NCAM2: variants seen among roughly 807,000 people sequenced by gnomAD.
The protein encoded by NCAM2 is N-CAM-2.
In NCAM2, 30 loss-of-function variants were observed where a neutral mutation model predicts 98.1. The ratio of observed to expected loss-of-function variants is 0.31; its 90% confidence interval spans 0.23 to 0.41. The LOEUF (loss-of-function observed/expected upper bound fraction) is 0.41, where lower values mean the gene tolerates loss of function less well. NCAM2 is among the 10% of genes least tolerant of loss of function. NCAM2 has a pLI of 1.00. For missense variants in NCAM2, 867 were observed against 1,005.8 expected, an observed-to-expected ratio of 0.86 and a Z score of 1.87; for synonymous variants, 368 against 342.4, an observed-to-expected ratio of 1.07 and a Z score of -0.83.
intron 1 of NCAM2, among the ~76,000 whole-genome samples, chr21:21,040,842 T>G (rs1243238609): frequency 6.6e-6 from 1 of 152,138 alleles, no homozygotes; most frequent in Non-Finnish European, 1.5e-5. Flanking sequence ...GAAGAATAAG[T>G]TCTAGTGTTC....
intron 1 of NCAM2, among the ~76,000 whole-genome samples, chr21:21,269,967 TAC>T (rs1348759150): frequency 6.6e-6 from 1 of 152,202 alleles, no homozygotes; most frequent in African/African-American, 2.4e-5. Context: ...GTCAGGTTTC[TAC>T]ACAAGGTTTA....
chr21:21,069,934 A>G (rs963412804), intron 1 of NCAM2, among the ~76,000 whole-genome samples: 13 of 152,018 alleles, frequency 8.6e-5, no homozygotes, highest in East Asian at 5.8e-4. Flanking sequence ...TTATCTTTCT[A>G]TTGTTGCTTT....
intron 1 of NCAM2, among the ~76,000 whole-genome samples, chr21:21,219,820 T>C (rs529491422): frequency 6.6e-6 from 1 of 152,332 alleles, no homozygotes; most frequent in East Asian, 1.9e-4. Context: ...CTGAAGACTT[T>C]CCAGTGGGAC....
chr21:21,376,840 C>G (rs1357573400), intron 9 of NCAM2, among the ~76,000 whole-genome samples: 1 of 151,602 alleles, frequency 6.6e-6, no homozygotes, highest in Non-Finnish European at 1.5e-5. Context: ...TTTAGTTTAT[C>G]TTATTTAAAC....
At chr21:21,411,110 A>ATGTGTATATATATATACATATATGTG (rs373718170) in intron 10 of NCAM2, among the ~76,000 whole-genome samples, 12 of 26,974 alleles carry the variant, frequency 4.4e-4, no homozygotes, top group East Asian at 7.1e-4. Flanking sequence ...ATACATATAT[A>ATGTGTATATATATATACATATATGTG]TGTATATATA....
chr21:21,254,700 G>A (rs1216304308), intron 1 of NCAM2, among the ~76,000 whole-genome samples: 1 of 152,148 alleles, frequency 6.6e-6, no homozygotes, highest in Non-Finnish European at 1.5e-5. Context: ...GTAAAGAGCT[G>A]TAATGGAACA....
intron 1 of NCAM2, among the ~76,000 whole-genome samples, chr21:21,239,866 A>C (rs1458688140): frequency 6.6e-6 from 1 of 152,108 alleles, no homozygotes; most frequent in Non-Finnish European, 1.5e-5. Context: ...TTGTGTCTAT[A>C]TTTATATAAA....
intron 16 of NCAM2, 134 bp downstream of exon 16, chr21:21,509,189 C>G (rs1245805788): frequency 7.0e-6 from 5 of 719,060 alleles, no homozygotes; most frequent in Non-Finnish European, 1.1e-5. Flanking sequence ...CACTGCACTG[C>G]CTGCTCTCTG....
At chr21:21,208,674 A>G (rs2147067983) in intron 1 of NCAM2, among the ~76,000 whole-genome samples, 1 of 152,228 alleles carries the variant, frequency 6.6e-6, no homozygotes, top group East Asian at 1.9e-4. Flanking sequence ...AGATTATTGT[A>G]GAGGAGACCT....
At chr21:21,141,217 AC>A (rs2067162319) in intron 1 of NCAM2, among the ~76,000 whole-genome samples, 1 of 152,218 alleles carries the variant, frequency 6.6e-6, no homozygotes, top group East Asian at 1.9e-4. Flanking sequence ...TGCTACAGGT[AC>A]GTGTAAACAA....
intron 1 of NCAM2, among the ~76,000 whole-genome samples, chr21:21,051,300 A>G (rs1308246820): frequency 6.6e-6 from 1 of 152,138 alleles, no homozygotes; most frequent in Admixed American, 6.5e-5. Flanking sequence ...TTTCTGTTGC[A>G]GTTTGACTTC....
chr21:21,537,308 A>C (rs1268606585), intron 17 of NCAM2, among the ~76,000 whole-genome samples: 1 of 152,024 alleles, frequency 6.6e-6, no homozygotes, highest in African/African-American at 2.4e-5. Flanking sequence ...CAGCATCCCA[A>C]AGTGCTAGGA....
chr21:21,486,186 C>T (rs907556298), intron 15 of NCAM2, among the ~76,000 whole-genome samples: 43 of 151,796 alleles, frequency 2.8e-4, no homozygotes, highest in Middle Eastern at 3.4e-3. Context: ...CGCCTGTAGT[C>T]CCAGCTACTC....
intron 1 of NCAM2, among the ~76,000 whole-genome samples, chr21:21,028,492 A>AT (rs1382104269): frequency 6.6e-6 from 1 of 152,232 alleles, no homozygotes; most frequent in Non-Finnish European, 1.5e-5. Context: ...AACTTGGATC[A>AT]TATGTGAGGT....
At chr21:21,024,741 G>A (rs968039464) in intron 1 of NCAM2, among the ~76,000 whole-genome samples, 5 of 151,974 alleles carry the variant, frequency 3.3e-5, no homozygotes, top group Admixed American at 1.3e-4. Flanking sequence ...AAAAAAATTA[G>A]CCAGGCATGG....
At chr21:21,353,634 T>A (rs987407093) in intron 8 of NCAM2, among the ~76,000 whole-genome samples, 6 of 152,176 alleles carry the variant, frequency 3.9e-5, no homozygotes, top group Non-Finnish European at 7.4e-5. Flanking sequence ...GAAATATAGA[T>A]TTCTTATATC....
chr21:21,030,584 A>T (rs1255828369), intron 1 of NCAM2, among the ~76,000 whole-genome samples: 1 of 152,194 alleles, frequency 6.6e-6, no homozygotes, highest in Non-Finnish European at 1.5e-5. Flanking sequence ...ATGTTGAGTT[A>T]GGCAACATTC....
intron 1 of NCAM2, among the ~76,000 whole-genome samples, chr21:21,118,545 T>C (rs2066609929): frequency 1.3e-5 from 2 of 152,170 alleles, no homozygotes; most frequent in Admixed American, 1.3e-4. Flanking sequence ...ATTCATCTAC[T>C]TTATGGTCTT....
intron 1 of NCAM2, among the ~76,000 whole-genome samples, chr21:21,191,291 T>C (rs1226700779): frequency 2.0e-5 from 3 of 152,220 alleles, no homozygotes; most frequent in Admixed American, 6.5e-5. Flanking sequence ...ATTTGGCTTG[T>C]AATGATGTTC....
Sources: allele counts gnomAD v4.1 joint callset (sites outside exome capture counted in the v4.1 genomes callset), GRCh38; gene constraint gnomAD v4.1.1; transcripts MANE v1.5; gene names NCBI Gene and HGNC (gene_info 2026-07-23, HGNC 2026-07-21).